Variants in LRP1B observed in about 807,000 individuals in gnomAD.
LRP1B encodes LDL receptor related protein 1B.
In LRP1B, 217 loss-of-function variants were observed where a neutral mutation model predicts 556.6. That is an observed-to-expected ratio of 0.39 (90% CI 0.35 to 0.44). The LOEUF is 0.44. Among genes scored for constraint, LRP1B ranks in the 20% least tolerant of loss-of-function variants. LRP1B has a pLI of 1.00. For synonymous variants in LRP1B, 2,047 were observed against 1,865.8 expected, an observed-to-expected ratio of 1.10 and a Z score of -2.50; for missense variants, 5,053 against 5,620.8, an observed-to-expected ratio of 0.90 and a Z score of 3.23.
intron 77 of LRP1B, among the ~76,000 whole-genome samples, chr2:140,349,333 ATTT>A (rs1681852385): frequency 6.6e-6 from 1 of 152,218 alleles, no homozygotes; most frequent in Non-Finnish European, 1.5e-5. Context: ...ATTGCAAATA[ATTT>A]TTAATATGCT....
chr2:141,700,466 T>C (rs1349748959), intron 2 of LRP1B, among the ~76,000 whole-genome samples: 2 of 151,844 alleles, frequency 1.3e-5, no homozygotes, highest in African/African-American at 2.4e-5. Context: ...GAATAATATA[T>C]TGAGCTAACG....
intron 7 of LRP1B, among the ~76,000 whole-genome samples, chr2:141,156,368 C>A (rs542405889): frequency 1.3e-5 from 2 of 152,086 alleles, no homozygotes; most frequent in African/African-American, 4.8e-5. Flanking sequence ...TTAGCTCTTG[C>A]CTGTAATCTC....
intron 3 of LRP1B, among the ~76,000 whole-genome samples, chr2:141,445,702 G>A (rs1681162590): frequency 6.6e-6 from 1 of 152,182 alleles, no homozygotes; most frequent in Middle Eastern, 3.2e-3. Flanking sequence ...TGCAGGAGCA[G>A]GTTGTTCAGT....
At chr2:140,260,472 G>A (rs557090454) in intron 86 of LRP1B, among the ~76,000 whole-genome samples, 1 of 151,406 alleles carries the variant, frequency 6.6e-6, no homozygotes. Flanking sequence ...ATGTACATGT[G>A]TATTATATAT....
chr2:140,378,099 G>T (rs117513244), intron 68 of LRP1B, 81 bp downstream of exon 68: 3 of 895,886 alleles, frequency 3.3e-6, no homozygotes, highest in Non-Finnish European at 5.4e-6. Flanking sequence ...TGTCCTTGCC[G>T]CACTTATTGG....
intron 18 of LRP1B, among the ~76,000 whole-genome samples, chr2:140,963,164 T>C (rs1231954584): frequency 1.3e-5 from 2 of 152,118 alleles, no homozygotes; most frequent in Non-Finnish European, 2.9e-5. Flanking sequence ...TGGATCAATA[T>C]AGGACTTCAA....
At chr2:141,745,401 T>C (rs891182648) in intron 2 of LRP1B, among the ~76,000 whole-genome samples, 1 of 152,112 alleles carries the variant, frequency 6.6e-6, no homozygotes, top group African/African-American at 2.4e-5. Context: ...CAAGATGCAG[T>C]CCTTCCTACT....
In LRP1B at chr2:141,639,347, T is replaced by TAC. The variant is rs1300773531; in HGVS notation, c.206-158815_206-158814insGT. Among the ~76,000 whole-genome samples, 292 of 59,238 alleles carry TAC rather than the reference T, an allele frequency of 4.9e-3. 1 individual carries two copies. Among genetic ancestry groups the TAC allele is most frequent in the Middle Eastern group, 0.013 (1 of 78 alleles). 38.9% of individuals were successfully genotyped at this position (59,238 alleles called of 152,430 possible). On this transcript the variant is annotated intron_variant, in intron 2 of 90. Coordinates refer to ENST00000389484, the MANE Select transcript of LRP1B (RefSeq NM_018557.3). ...ATATATATATATATATATATATATA[T>TAC]ATACACACACACACACATATATATA...
At chr2:140,298,780 A>G (rs1683703785) in intron 83 of LRP1B, among the ~76,000 whole-genome samples, 1 of 152,178 alleles carries the variant, frequency 6.6e-6, no homozygotes, top group African/African-American at 2.4e-5. Flanking sequence ...TATATTAGGA[A>G]TAAGTTTCTC....
At position 142,130,836 on chromosome 2, in the gene LRP1B, G is replaced by T; in HGVS notation, c.-107C>A. ...CGCTTGGAGCCTGGAATCGAGCGGCGTCATTTACAAATGTCACTGGAAATT... is the reference window on the plus strand; with the variant it reads ...CGCTTGGAGCCTGGAATCGAGCGGCTTCATTTACAAATGTCACTGGAAATT... On this transcript the variant is annotated 5_prime_UTR_variant, in exon 1 of 91. Transcript: ENST00000389484. 1 of 845,896 alleles carries T rather than the reference G, an allele frequency of 1.2e-6. No homozygotes were observed. The highest frequency in any genetic ancestry group is 2.0e-6 in the Non-Finnish European group (1 of 507,650). 52.4% of individuals were successfully genotyped at this position (845,896 alleles called of 1,614,324 possible).
chr2:140,899,761 C>A (rs1453253389), intron 23 of LRP1B, among the ~76,000 whole-genome samples: 3 of 152,160 alleles, frequency 2.0e-5, no homozygotes, highest in Non-Finnish European at 2.9e-5. Flanking sequence ...GTAGCAAATT[C>A]TTTACTATTT....
At position 141,153,531 on chromosome 2, in the gene LRP1B, TATATA is replaced by T. The variant is rs558549346; in HGVS notation, c.1013+34885_1013+34889del. ...ATAATATATATAAGCTATATATTTATATATAATATATTATATATTAGCTATATATA... is the reference window on the plus strand; with the variant it reads ...ATAATATATATAAGCTATATATTTATATATATTATATATTAGCTATATATA... On this transcript the variant is annotated intron_variant, in intron 7 of 90. Transcript: ENST00000389484. Among the ~76,000 whole-genome samples the T allele has an allele frequency of 8.2e-3, 1,050 of 127,780 alleles. 26 individuals are homozygous for T. The highest frequency in any genetic ancestry group is 0.03 in the African/African-American group (992 of 33,024). The allele number at this position is 127,780 out of a possible 152,430, so 83.8% of individuals were successfully genotyped here. A position where few individuals can be genotyped will look rare whatever the true frequency, so the allele number is the denominator to read the frequency against.
intron 58 of LRP1B, among the ~76,000 whole-genome samples, chr2:140,487,186 A>G (rs1228151814): frequency 1.3e-5 from 2 of 152,026 alleles, no homozygotes; most frequent in Admixed American, 6.6e-5. Context: ...GAATTCAATT[A>G]TTTACAACTG....
chr2:141,997,200 TTCAC>T (rs1193792364), intron 1 of LRP1B, among the ~76,000 whole-genome samples: 3 of 152,062 alleles, frequency 2.0e-5, no homozygotes, highest in Admixed American at 6.6e-5. Flanking sequence ...TTGCACTTTT[TTCAC>T]CACAACAGCC....
At chr2:141,280,048 C>A (rs1251317555) in intron 3 of LRP1B, among the ~76,000 whole-genome samples, 1 of 152,014 alleles carries the variant, frequency 6.6e-6, no homozygotes, top group Non-Finnish European at 1.5e-5. Context: ...CAAGTTGAAT[C>A]CCTTTAAGTA....
Position 141,158,386 on chromosome 2 carries a change from AT to A in LRP1B, c.1013+30034del, listed in dbSNP as rs1702120947. On this transcript the variant is annotated intron_variant, in intron 7 of 90. Transcript: ENST00000389484. ...CAATTATTCAGTGTCCTTATGTCTC[AT>A]TTTTTAAGTGCATAGAAAAGGTGAA... Among the ~76,000 whole-genome samples the A allele has an allele frequency of 2.6e-5, 4 of 152,274 alleles. No homozygotes were observed. The South Asian group carries it at 8.3e-4, about 32-fold the overall frequency.
At chr2:141,511,207 T>C (rs1354883536) in intron 2 of LRP1B, among the ~76,000 whole-genome samples, 1 of 152,146 alleles carries the variant, frequency 6.6e-6, no homozygotes, top group Non-Finnish European at 1.5e-5. Context: ...CTTATTGACT[T>C]AATTATAATT....
Position 140,541,850 on chromosome 2 carries a change from G to T in LRP1B, c.7316C>A (p.Thr2439Lys), listed in dbSNP as rs776635165. The change falls in exon 44 of 91, where the codon ACA (threonine) becomes AAA (lysine). Residue 2439 changes from threonine (T) to lysine (K), a missense_variant. Physicochemically the swap from Thr to Lys is moderately conservative, Grantham distance 78 (BLOSUM62 -1). This residue lies in a region of LRP1B where 3,619 missense variants were observed against 3,931.9 expected (regional missense o/e 0.92). Transcript: ENST00000389484. ...LRSNKYTGGDTKILRSDIPHQ... is the reference protein window; with the variant it reads ...LRSNKYTGGDKKILRSDIPHQ... ...TGGAATATCGGAACGAAGAATTTTT[G>T]TATCTCCTCCTGTGTACTTGTTGGA... 2 of 1,612,680 alleles carry T rather than the reference G, an allele frequency of 1.2e-6. No homozygotes were observed. The highest frequency in any genetic ancestry group is 4.5e-5 in the East Asian group (2 of 44,816).
chr2:140,463,844 T>C (rs375101950), intron 60 of LRP1B, among the ~76,000 whole-genome samples: 1 of 152,100 alleles, frequency 6.6e-6, no homozygotes, highest in African/African-American at 2.4e-5. Flanking sequence ...CTCTCCTTAG[T>C]ATAGTAGTTT....
Sources: allele counts gnomAD v4.1 joint callset (sites outside exome capture counted in the v4.1 genomes callset), GRCh38; gene constraint gnomAD v4.1.1; regional missense constraint gnomAD v4.1.1; transcripts MANE v1.5; gene names NCBI Gene and HGNC (gene_info 2026-07-23, HGNC 2026-07-21).